Variants in PATJ observed in about 807,000 individuals in gnomAD.
The protein encoded by PATJ is inaD-like protein.
In PATJ, 190 loss-of-function variants were observed where a neutral mutation model predicts 224.9. The ratio of observed to expected loss-of-function variants is 0.84; its 90% confidence interval spans 0.75 to 0.95. PATJ has a LOEUF of 0.95. Among genes scored for constraint, PATJ ranks in the 40% least tolerant of loss-of-function variants. The probability of loss-of-function intolerance (pLI) is 0.00; values close to 1 mark genes in which losing one functional copy is unlikely to be tolerated. For synonymous variants in PATJ, 769 were observed against 820.3 expected, an observed-to-expected ratio of 0.94 and a Z score of 1.07; for missense variants, 2,121 against 2,270.3, an observed-to-expected ratio of 0.93 and a Z score of 1.34.
chr1:62,015,888 C>T (rs1284507215), intron 28 of PATJ, among the ~76,000 whole-genome samples: 2 of 152,008 alleles, frequency 1.3e-5, no homozygotes, highest in Middle Eastern at 3.2e-3. Context: ...AGGCTGGTCT[C>T]GAACTCCTGG....
Position 61,771,549 on chromosome 1 carries a change from CTGAT to C in PATJ, c.646_649del (p.Ile216TrpfsTer16), listed in dbSNP as rs1557614662. The C allele has an allele frequency of 8.1e-6, 13 of 1,613,326 alleles. No homozygotes were observed. The highest frequency in any genetic ancestry group is 1.1e-5 in the Non-Finnish European group (13 of 1,179,720). ...ACAACAAACCACTGGATCTTTGAGACTGATTGTGGCCAGGGAACCAGTCCACACA... is the reference window on the plus strand; with the variant it reads ...ACAACAAACCACTGGATCTTTGAGACTGTGGCCAGGGAACCAGTCCACACA... On this transcript the variant is annotated frameshift_variant, in exon 6 of 44. Transcript: ENST00000642238. LOFTEE classifies it high-confidence loss of function.
intron 7 of PATJ, among the ~76,000 whole-genome samples, chr1:61,786,776 G>C (rs1026541961): frequency 1.3e-5 from 2 of 152,068 alleles, no homozygotes; most frequent in Admixed American, 6.5e-5. Flanking sequence ...TGGATCAAGA[G>C]GTCAGGAGTT....
intron 30 of PATJ, among the ~76,000 whole-genome samples, chr1:62,041,970 G>T (rs1651575890): frequency 6.6e-6 from 1 of 152,030 alleles, no homozygotes; most frequent in Admixed American, 6.6e-5. Context: ...CTGGGCGACA[G>T]AGAAAGACTC....
At chr1:61,964,551 G>A (rs1203883019) in intron 27 of PATJ, among the ~76,000 whole-genome samples, 1 of 152,060 alleles carries the variant, frequency 6.6e-6, no homozygotes, top group Admixed American at 6.5e-5. Flanking sequence ...AGCTTTGGGA[G>A]GCTATGATGG....
chr1:62,124,688 C>G (rs979358781), intron 39 of PATJ, among the ~76,000 whole-genome samples: 4 of 152,148 alleles, frequency 2.6e-5, no homozygotes, highest in East Asian at 3.9e-4. Flanking sequence ...CTGAGGCCCC[C>G]CTCCTTGGCT....
chr1:62,072,073 T>TA lies in PATJ; in HGVS notation c.4126-7367dup, dbSNP rs540392592. ...TAATTTCCCCTGAAAATGTGCCTAT[T>TA]AAAAAAAAAATAGGATATGATGGGA... is the stretch of plus-strand genomic sequence containing the variant. On this transcript the variant is annotated intron_variant, in intron 31 of 43. Transcript: ENST00000642238. Among the ~76,000 whole-genome samples, 721 of 149,090 alleles carry TA rather than the reference T, an allele frequency of 4.8e-3. 2 individuals carry two copies. Among genetic ancestry groups the TA allele is most frequent in the Non-Finnish European group, 7.7e-3 (514 of 67,020 alleles).
chr1:62,095,747 G>A (rs151268637), intron 33 of PATJ, among the ~76,000 whole-genome samples: 8 of 152,282 alleles, frequency 5.3e-5, no homozygotes, highest in Admixed American at 2.0e-4. Context: ...ACTGTTCACA[G>A]GAGTTGTATT....
intron 16 of PATJ, among the ~76,000 whole-genome samples, chr1:61,828,401 G>GTT (rs34139565): frequency 0.06 from 8,449 of 141,040 alleles, 318 homozygotes; most frequent in South Asian, 0.12. Context: ...TATGAAAAGA[G>GTT]TTTTTTTTTT....
intron 29 of PATJ, among the ~76,000 whole-genome samples, chr1:62,031,082 A>G (rs1649183217): frequency 1.3e-5 from 2 of 152,238 alleles, no homozygotes; most frequent in African/African-American, 2.4e-5. Context: ...GCTTAAGACA[A>G]CAAAGAAATA....
intron 14 of PATJ, among the ~76,000 whole-genome samples, chr1:61,812,429 AGAGAGTGTGT>A (rs1655029119): frequency 3.6e-5 from 4 of 111,470 alleles, no homozygotes; most frequent in South Asian, 5.1e-4. Context: ...AGAGAGAGAG[AGAGAGTGTGT>A]GTGTGTGTGT....
chr1:62,086,608 G>A lies in PATJ; in HGVS notation c.4377+1960G>A, dbSNP rs559061896. Reference sequence around the variant, plus strand: ...CATTGGGCAGTAATGTAACATTTTTGTGGTAGTACTGTTGGGGGTGGGGAG... The same window carrying A: ...CATTGGGCAGTAATGTAACATTTTTATGGTAGTACTGTTGGGGGTGGGGAG... On this transcript the variant is annotated intron_variant, in intron 33 of 43. Coordinates refer to ENST00000642238, the MANE Select transcript of PATJ (RefSeq NM_001350145.3). The surrounding 1 kb of genome is among the most constrained non-coding windows in gnomAD (Gnocchi z 4.0). 6.6e-6 allele frequency among the ~76,000 whole-genome samples: 1 copy of A among 152,270 alleles called. No homozygotes were observed. The highest frequency in any genetic ancestry group is 1.9e-4 in the East Asian group (1 of 5,186).
intron 20 of PATJ, among the ~76,000 whole-genome samples, chr1:61,868,431 C>G (rs1268439328): frequency 6.6e-6 from 1 of 152,162 alleles, no homozygotes; most frequent in Non-Finnish European, 1.5e-5. Flanking sequence ...CTGGCTCTTT[C>G]ACTTAGTGTA....
intron 23 of PATJ, 93 bp downstream of exon 23, chr1:61,899,747 A>G (rs1161239726): frequency 2.6e-6 from 2 of 755,960 alleles, no homozygotes; most frequent in Non-Finnish European, 4.1e-6. Flanking sequence ...GTCCTACTCT[A>G]ATGATTGAGA....
intron 42 of PATJ, among the ~76,000 whole-genome samples, chr1:62,150,301 A>G (rs1487836676): frequency 6.6e-6 from 1 of 152,202 alleles, no homozygotes; most frequent in African/African-American, 2.4e-5. Flanking sequence ...TGAGGACTCA[A>G]ACTTAGAAAT....
At chr1:61,818,576 T>G (rs1656629562) in intron 14 of PATJ, among the ~76,000 whole-genome samples, 1 of 152,254 alleles carries the variant, frequency 6.6e-6, no homozygotes, top group African/African-American at 2.4e-5. Context: ...CATGAAATCT[T>G]AGAAACCCAG....
intron 27 of PATJ, among the ~76,000 whole-genome samples, chr1:61,976,144 G>T (rs909229008): frequency 6.6e-6 from 1 of 151,894 alleles, no homozygotes. Context: ...TTAAATTGTC[G>T]ATTCCAAAAG....
At chr1:61,870,071 G>T (rs1571005205) in intron 20 of PATJ, among the ~76,000 whole-genome samples, 1 of 152,242 alleles carries the variant, frequency 6.6e-6, no homozygotes, top group East Asian at 1.9e-4. Context: ...GCCAGCGAGG[G>T]CAAAGGGCCA....
intron 1 of PATJ, among the ~76,000 whole-genome samples, chr1:61,760,713 T>C (rs1271288380): frequency 6.9e-6 from 1 of 145,922 alleles, no homozygotes; most frequent in Admixed American, 6.9e-5. Flanking sequence ...ACCTCCCAGG[T>C]TCAAGCAATT....
At chr1:61,863,761 C>A (rs1664990444) in intron 19 of PATJ, among the ~76,000 whole-genome samples, 2 of 152,086 alleles carry the variant, frequency 1.3e-5, no homozygotes, top group South Asian at 4.1e-4. Context: ...CTCCCCATAT[C>A]TTTAGTTTAT....
Sources: allele counts gnomAD v4.1 joint callset (sites outside exome capture counted in the v4.1 genomes callset), GRCh38; gene constraint gnomAD v4.1.1; non-coding constraint Gnocchi (gnomAD v3.1); transcripts MANE v1.5; gene names NCBI Gene and HGNC (gene_info 2026-07-23, HGNC 2026-07-21).